SLC25A26: variants seen among roughly 807,000 people sequenced by gnomAD.
The protein encoded by SLC25A26 is mitochondrial S-adenosylmethionine carrier protein.
SLC25A26 carries 36 observed loss-of-function variants against 37.8 expected under a neutral mutation model. That is an observed-to-expected ratio of 0.95 (90% CI 0.73 to 1.26). SLC25A26 has a LOEUF of 1.26. Ranked by LOEUF, SLC25A26 falls within the 50% of genes most tolerant of loss-of-function variation. The pLI, the probability that SLC25A26 is intolerant of heterozygous loss-of-function variation, is 0.00. For synonymous variants in SLC25A26, 129 were observed against 122.5 expected (o/e 1.05, Z -0.35); for missense variants, 390 against 331.1 (o/e 1.18, Z -1.38).
chr3:66,303,976 T>G (rs1334745791), intron 5 of SLC25A26, among the ~76,000 whole-genome samples: 1 of 152,206 alleles, frequency 6.6e-6, no homozygotes, highest in African/African-American at 2.4e-5. Context: ...GTCCTTGCCA[T>G]GTGGCCCCCT....
At chr3:66,304,283 A>G (rs2075155737) in intron 5 of SLC25A26, among the ~76,000 whole-genome samples, 1 of 152,226 alleles carries the variant, frequency 6.6e-6, no homozygotes, top group Admixed American at 6.5e-5. Flanking sequence ...GGGCGGGTAC[A>G]TCAGGGAGTG....
intron 5 of SLC25A26, among the ~76,000 whole-genome samples, chr3:66,331,713 C>A (rs1427240814): frequency 2.0e-5 from 3 of 152,026 alleles, no homozygotes; most frequent in Non-Finnish European, 4.4e-5. Flanking sequence ...TATTTCCATT[C>A]CATTAATGGT....
At chr3:66,278,920 G>A (rs948392712) in intron 5 of SLC25A26, among the ~76,000 whole-genome samples, 2 of 152,106 alleles carry the variant, frequency 1.3e-5, no homozygotes, top group Non-Finnish European at 2.9e-5. Flanking sequence ...TAAAAGTGGA[G>A]TACCGGTGAA....
intron 3 of SLC25A26, among the ~76,000 whole-genome samples, chr3:66,249,163 G>T (rs546578462): frequency 1.3e-5 from 2 of 152,212 alleles, no homozygotes; most frequent in South Asian, 2.1e-4. Context: ...GGTTATTTTT[G>T]AGTGTGACAA....
intron 2 of SLC25A26, among the ~76,000 whole-genome samples, chr3:66,240,370 A>G (rs1332739344): frequency 4.6e-5 from 7 of 152,130 alleles, no homozygotes; most frequent in African/African-American, 9.7e-5. Context: ...GCCCACTGCA[A>G]CCTCAACCTC....
chr3:66,374,827 G>C (rs965478770), intron 9 of SLC25A26, among the ~76,000 whole-genome samples: 3 of 151,824 alleles, frequency 2.0e-5, no homozygotes, highest in African/African-American at 7.3e-5. Flanking sequence ...GTTGCTGTGG[G>C]CCACGATCGT....
Position 66,371,825 on chromosome 3 carries a change from C to T in SLC25A26, c.707+1223C>T, listed in dbSNP as rs557212703. Among the ~76,000 whole-genome samples, 11 of 152,180 alleles carry T rather than the reference C, an allele frequency of 7.2e-5. No homozygotes were observed. The East Asian group carries it at 1.4e-3, about 19-fold the overall frequency. On this transcript the variant is annotated intron_variant, in intron 9 of 9. Transcript: ENST00000354883. Reference sequence around the variant, plus strand: ...GTAAAAGGTGCTTAGGGGCCGGGTGCGGGGCTCACACCTGTAATCCCAGCA... The same window carrying T: ...GTAAAAGGTGCTTAGGGGCCGGGTGTGGGGCTCACACCTGTAATCCCAGCA...
At chr3:66,324,396 A>G (rs1469056988) in intron 5 of SLC25A26, among the ~76,000 whole-genome samples, 1 of 152,152 alleles carries the variant, frequency 6.6e-6, no homozygotes, top group Non-Finnish European at 1.5e-5. Flanking sequence ...CTGGTCTGTC[A>G]GAATGCAGAG....
chr3:66,352,931 G>A (rs332339), intron 6 of SLC25A26, among the ~76,000 whole-genome samples: 3 of 151,908 alleles, frequency 2.0e-5, no homozygotes, highest in African/African-American at 4.8e-5. Flanking sequence ...ATTTATTTCC[G>A]TACTGGTATT....
rs561683268 is a variant in SLC25A26 at position 66,370,888 on chromosome 3, G to T, written c.707+286G>T. ...CTGGGCTGCAGCAGTGATAAAATGG[G>T]CTTCTCAGAGGTTACACAGTGCAGA... On this transcript the variant is annotated intron_variant, in intron 9 of 9. Coordinates refer to ENST00000354883, the MANE Select transcript of SLC25A26 (RefSeq NM_001379210.1). 2.2e-4 allele frequency among the ~76,000 whole-genome samples: 33 copies of T among 152,344 alleles called. 1 individual carries two copies. The South Asian group carries it at 6.6e-3, about 31-fold the overall frequency.
chr3:66,207,294 C>A (rs1459904185), intron 1 of SLC25A26, among the ~76,000 whole-genome samples: 1 of 152,090 alleles, frequency 6.6e-6, no homozygotes, highest in Admixed American at 6.6e-5. Flanking sequence ...ATCCTTTAGA[C>A]CATACTAGTC....
intron 5 of SLC25A26, among the ~76,000 whole-genome samples, chr3:66,309,854 G>C (rs764827441): frequency 7.1e-6 from 1 of 140,466 alleles, no homozygotes; most frequent in Non-Finnish European, 1.5e-5. Context: ...TTGCACTGTG[G>C]TCTGAGAGAC....
At chr3:66,241,744 C>T (rs1415039778) in intron 2 of SLC25A26, among the ~76,000 whole-genome samples, 1 of 152,060 alleles carries the variant, frequency 6.6e-6, no homozygotes, top group South Asian at 2.1e-4. Context: ...AAGTACAGAA[C>T]TTCACTGTAG....
At chr3:66,290,342 C>A (rs1186691495) in intron 5 of SLC25A26, among the ~76,000 whole-genome samples, 4 of 152,154 alleles carry the variant, frequency 2.6e-5, no homozygotes, top group Non-Finnish European at 5.9e-5. Context: ...CCAGAACTTC[C>A]AATACTCTGT....
intron 1 of SLC25A26, among the ~76,000 whole-genome samples, chr3:66,231,362 G>T (rs782552950): frequency 2.0e-5 from 3 of 151,848 alleles, no homozygotes; most frequent in Non-Finnish European, 4.4e-5. Context: ...GTAAATTAGA[G>T]ATTTTTTTTT....
At chr3:66,234,455 C>T (rs1227269703) in intron 1 of SLC25A26, among the ~76,000 whole-genome samples, 1 of 152,058 alleles carries the variant, frequency 6.6e-6, no homozygotes, top group African/African-American at 2.4e-5. Flanking sequence ...ATCTCTGTGC[C>T]CTTTTGGGTG....
chr3:66,166,567 AT>A (rs1487311141), intron 1 of SLC25A26, among the ~76,000 whole-genome samples: 4 of 152,336 alleles, frequency 2.6e-5, no homozygotes, highest in African/African-American at 9.6e-5. Context: ...TCGGGTAGAG[AT>A]TTGAGGCATT....
Position 66,340,701 on chromosome 3 carries a change from C to A in SLC25A26, c.454-5663C>A, listed in dbSNP as rs540017325. Among the ~76,000 whole-genome samples the A allele has an allele frequency of 4.6e-5, 7 of 152,036 alleles. No homozygotes were observed. The East Asian group carries it at 1.4e-3, about 29-fold the overall frequency. On this transcript the variant is annotated intron_variant, in intron 5 of 9. Transcript: ENST00000354883. ...ACTCTCCTCTGTTTCATTGTTTATC[C>A]TTACGCCTTGTTACTCTGATCACTG...
At position 66,160,766 on chromosome 3, in the gene SLC25A26, C is replaced by T. The variant is rs144170856; in HGVS notation, c.-354+26782C>T. The stretch of plus-strand genomic sequence containing the variant: ...CCTGGCCAACATGATGAAACCCCGT[C>T]TCTACTAAAAACACAAAAATTAGCT... On this transcript the variant is annotated intron_variant, in intron 1 of 10. Transcript: ENST00000676754. Among the ~76,000 whole-genome samples the T allele has an allele frequency of 5.1e-3, 775 of 152,164 alleles. 8 individuals carry two copies. The highest frequency in any genetic ancestry group is 0.018 in the African/African-American group (742 of 41,518).
Sources: gnomAD v4.1 joint callset for allele counts (sites outside exome capture counted in the v4.1 genomes callset) on GRCh38, gnomAD v4.1.1 for gene constraint, MANE v1.5 for transcripts, NCBI Gene and HGNC (gene_info 2026-07-23, HGNC 2026-07-21) for gene names.